Variants in TNFRSF11A observed in about 807,000 individuals in gnomAD.
TNFRSF11A encodes TNF receptor superfamily member 11a.
TNFRSF11A carries 32 observed loss-of-function variants against 55.7 expected under a neutral mutation model. That is an observed-to-expected ratio of 0.57 (90% CI 0.43 to 0.77). The LOEUF (loss-of-function observed/expected upper bound fraction) is 0.77, where lower values mean the gene tolerates loss of function less well. Ranked by LOEUF, TNFRSF11A falls within the 30% of genes least tolerant of loss-of-function variation. TNFRSF11A has a pLI of 0.00. For synonymous variants in TNFRSF11A, 311 were observed against 331.0 expected (o/e 0.94, Z 0.65); for missense variants, 753 against 809.8 (o/e 0.93, Z 0.85).
In TNFRSF11A at chr18:62,360,030, A is replaced by G. The variant is rs1166272800; in HGVS notation, c.597A>G (p.Pro199=). 1.9e-6 allele frequency: 3 copies of G among 1,613,890 alleles called. No individual in the cohort carries two copies. The highest frequency in any genetic ancestry group is 1.7e-5 in the Admixed American group (1 of 59,998). Residue 199 remains proline (P), a synonymous_variant, in exon 6 of 10, where the codon CCA becomes CCG. Coordinates refer to ENST00000586569, the MANE Select transcript of TNFRSF11A (RefSeq NM_003839.4). ...KSDAVCSSSL[P]ARKPPNEPHV... is the part of the protein sequence containing the mutation. ...ATGCGGTTTGCAGTTCTTCTCTGCC[A>G]GCTAGAAAACCACCAAATGGTATGT...
intron 9 of TNFRSF11A, among the ~76,000 whole-genome samples, chr18:62,382,441 C>T (rs2145396831): frequency 6.6e-6 from 1 of 152,270 alleles, no homozygotes; most frequent in Middle Eastern, 3.4e-3. Context: ...AACCACACCA[C>T]CTTAATTTCC....
At chr18:62,350,523 AC>A (rs1401831855) in intron 3 of TNFRSF11A, among the ~76,000 whole-genome samples, 1 of 152,090 alleles carries the variant, frequency 6.6e-6, no homozygotes, top group African/African-American at 2.4e-5. Context: ...CGATCTCCTG[AC>A]CTTGTGATCT....
At chr18:62,337,656 T>G (rs565889321) in intron 1 of TNFRSF11A, among the ~76,000 whole-genome samples, 3 of 152,350 alleles carry the variant, frequency 2.0e-5, no homozygotes, top group African/African-American at 7.2e-5. Flanking sequence ...AAATGTCATC[T>G]TCTCAAAGAG....
intron 6 of TNFRSF11A, 88 bp from the exon 7 acceptor site, chr18:62,361,592 C>A: frequency 7.7e-7 from 1 of 1,307,136 alleles, no homozygotes; most frequent in Non-Finnish European, 1.1e-6. Context: ...ATTTTTGATT[C>A]TGAGGTTTGA....
In TNFRSF11A at chr18:62,384,091, ACTCT is replaced by A. The variant is rs536356728; in HGVS notation, c.1568-651_1568-648del. Among the ~76,000 whole-genome samples the A allele has an allele frequency of 4.2e-3, 638 of 150,566 alleles. 2 individuals carry two copies. Among genetic ancestry groups the A allele is most frequent in the African/African-American group, 0.015 (608 of 40,928 alleles). Reference sequence around the variant, plus strand: ...CACACACACACACAAATACACATACACTCTCTCTCTCTTTTGTAACATCTGAATC... The same window carrying A: ...CACACACACACACAAATACACATACACTCTCTCTTTTGTAACATCTGAATC... On this transcript the variant is annotated intron_variant, in intron 9 of 9. Transcript: ENST00000586569.
chr18:62,349,166 C>CTTTTTTTTTTTTTTTTTTTT (rs35392545), intron 2 of TNFRSF11A, among the ~76,000 whole-genome samples: 2 of 143,324 alleles, frequency 1.4e-5, no homozygotes, highest in Non-Finnish European at 3.1e-5. Context: ...CATTCTATTC[C>CTTTTTTTTTTTTTTTTTTTT]TTTTTTTTTT....
chr18:62,365,849 G>A (rs896486539), intron 7 of TNFRSF11A, among the ~76,000 whole-genome samples: 4 of 151,456 alleles, frequency 2.6e-5, no homozygotes, highest in Admixed American at 1.3e-4. Context: ...ACAGAGTTTC[G>A]CTCTGTTGCC....
rs1369244978 is a variant in TNFRSF11A at position 62,389,782 on chromosome 18, A to C, written c.*4748A>C. 1 of 152,196 alleles carries C rather than the reference A, an allele frequency of 6.6e-6. No homozygotes were observed. Among genetic ancestry groups the C allele is most frequent in the African/African-American group, 2.4e-5 (1 of 41,446 alleles). 9.4% of individuals were successfully genotyped at this position (152,196 alleles called of 1,614,324 possible). A position where few individuals can be genotyped will look rare whatever the true frequency, so the allele number is the denominator to read the frequency against. ...ATAAAAGTTAAAATGACAAAATTACAGGCCTGTTACCAGATCTTCGTACTA... is the reference window on the plus strand; with the variant it reads ...ATAAAAGTTAAAATGACAAAATTACCGGCCTGTTACCAGATCTTCGTACTA... On this transcript the variant is annotated 3_prime_UTR_variant, in exon 10 of 10. Coordinates refer to ENST00000586569, the MANE Select transcript of TNFRSF11A (RefSeq NM_003839.4).
At chr18:62,369,794 C>G (rs941305493) in intron 9 of TNFRSF11A, among the ~76,000 whole-genome samples, 9 of 152,204 alleles carry the variant, frequency 5.9e-5, no homozygotes, top group African/African-American at 1.4e-4. Context: ...GCACTGACCC[C>G]GGAAAGACAA....
chr18:62,348,282 C>T lies in TNFRSF11A; in HGVS notation c.157+33C>T, dbSNP rs368796021. The T allele has an allele frequency of 4.4e-5, 69 of 1,582,096 alleles. 1 individual carries two copies. The South Asian group carries it at 7.3e-4, about 17-fold the overall frequency. ...TGCTTCTGAGCCACCTTGCATTGCC[C>T]CTCAAAAGTGGGTGAGGCTTTCATT... On this transcript the variant is annotated intron_variant, in intron 2 of 9. Coordinates refer to ENST00000586569, the MANE Select transcript of TNFRSF11A (RefSeq NM_003839.4).
chr18:62,360,400 A>AGC (rs569070007), intron 6 of TNFRSF11A, among the ~76,000 whole-genome samples: 182 of 152,244 alleles, frequency 1.2e-3, no homozygotes, highest in Non-Finnish European at 2.2e-3. Context: ...GTTAGGATCT[A>AGC]GCTATCATTA....
rs1910312389 is a variant in TNFRSF11A, at chr18:62,369,039, C to T, written c.1122C>T (p.Phe374=). The change falls in exon 9 of 10, where the codon TTC becomes TTT. Residue 374 remains phenylalanine (F), a synonymous_variant. Coordinates refer to ENST00000586569, the MANE Select transcript of TNFRSF11A (RefSeq NM_003839.4). The part of the protein sequence containing the change: ...TEPGSKSTPP[F]SEPLEVGEND... ...CTGGAAGCAAATCCACACCTCCTTT[C>T]TCTGAACCCCTGGAGGTGGGGGAGA... 6.2e-7 allele frequency: 1 copy of T among 1,614,122 alleles called. No homozygotes were observed. The highest frequency in any genetic ancestry group is 1.1e-5 in the South Asian group (1 of 91,094).
intron 9 of TNFRSF11A, among the ~76,000 whole-genome samples, chr18:62,373,671 G>A (rs1388469425): frequency 1.5e-4 from 23 of 152,160 alleles, no homozygotes; most frequent in Admixed American, 1.5e-3. Context: ...GGAGGGGGAT[G>A]GAAGGGCCGG....
rs1386994569 is a variant in TNFRSF11A at position 62,387,577 on chromosome 18, A to C, written c.*2543A>C. 2.0e-5 allele frequency: 3 copies of C among 152,206 alleles called. No individual in the cohort carries two copies. The highest frequency in any genetic ancestry group is 7.2e-5 in the African/African-American group (3 of 41,446). 9.4% of individuals were successfully genotyped at this position (152,206 alleles called of 1,614,324 possible). On this transcript the variant is annotated 3_prime_UTR_variant, in exon 10 of 10. Coordinates refer to ENST00000586569, the MANE Select transcript of TNFRSF11A (RefSeq NM_003839.4). ...CCCTGGACCACAGACTAGGGACAGA[A>C]AATACTTGCTTTAATAATATATATG...
chr18:62,342,338 G>A (rs1448681344), intron 1 of TNFRSF11A, among the ~76,000 whole-genome samples: 1 of 138,738 alleles, frequency 7.2e-6, no homozygotes, highest in Non-Finnish European at 1.5e-5. Flanking sequence ...GGAGGTCAAG[G>A]CTGCAGTGAG....
At chr18:62,349,996 T>C in intron 3 of TNFRSF11A, 59 bp downstream of exon 3, 1 of 1,605,646 alleles carries the variant, frequency 6.2e-7, no homozygotes, top group Non-Finnish European at 8.5e-7. Context: ...CCTCTTTTTC[T>C]ATAGAAACAT....
chr18:62,341,546 A>G (rs933864909), intron 1 of TNFRSF11A, among the ~76,000 whole-genome samples: 7 of 152,146 alleles, frequency 4.6e-5, no homozygotes, highest in Non-Finnish European at 8.8e-5. Context: ...GAAGTTACAT[A>G]TACTTTTACT....
At chr18:62,339,667 C>T (rs1476863527) in intron 1 of TNFRSF11A, among the ~76,000 whole-genome samples, 1 of 152,146 alleles carries the variant, frequency 6.6e-6, no homozygotes, top group African/African-American at 2.4e-5. Flanking sequence ...AGTGAAGATG[C>T]CTTTGACAGT....
At chr18:62,356,491 T>C (rs1013094423) in intron 4 of TNFRSF11A, among the ~76,000 whole-genome samples, 1 of 152,224 alleles carries the variant, frequency 6.6e-6, no homozygotes, top group South Asian at 2.1e-4. Context: ...CTATTAGACT[T>C]TCTCTCTGCC....
Sources: allele counts gnomAD v4.1 joint callset (sites outside exome capture counted in the v4.1 genomes callset), GRCh38; gene constraint gnomAD v4.1.1; transcripts MANE v1.5; gene names NCBI Gene and HGNC (gene_info 2026-07-23, HGNC 2026-07-21).